Variants in FSIP1 observed in about 807,000 individuals in gnomAD.
The protein encoded by FSIP1 is fibrous sheath-interacting protein 1.
Under a neutral mutation model 60.9 loss-of-function variants are expected in FSIP1, and 65 were observed. That is an observed-to-expected ratio of 1.07 (90% confidence interval 0.87 to 1.31). The LOEUF (loss-of-function observed/expected upper bound fraction) is 1.31. FSIP1 is among the 40% of genes most tolerant of loss of function. The probability of loss-of-function intolerance (pLI) is 0.00; values close to 1 mark genes in which losing one functional copy is unlikely to be tolerated. For synonymous variants in FSIP1, 209 were observed against 221.2 expected (o/e 0.94, Z 0.49); for missense variants, 675 against 665.5 (o/e 1.01, Z -0.16).
intron 9 of FSIP1, among the ~76,000 whole-genome samples, chr15:39,717,314 C>CA (rs964957344): frequency 2.0e-5 from 3 of 152,148 alleles, no homozygotes; most frequent in African/African-American, 7.2e-5. Flanking sequence ...CTGGGACAAT[C>CA]AGAGTGTTTC....
chr15:39,650,497 C>T (rs1385770460), intron 10 of FSIP1, among the ~76,000 whole-genome samples: 1 of 152,176 alleles, frequency 6.6e-6, no homozygotes, highest in Non-Finnish European at 1.5e-5. Flanking sequence ...AAAATACTGT[C>T]TCAACCCTTG....
intron 10 of FSIP1, among the ~76,000 whole-genome samples, chr15:39,655,533 T>C (rs1282218725): frequency 6.6e-6 from 1 of 152,164 alleles, no homozygotes; most frequent in East Asian, 1.9e-4. Flanking sequence ...CAGCAAACAT[T>C]TATTGAATGC....
chr15:39,678,827 A>G (rs16969552), intron 10 of FSIP1, among the ~76,000 whole-genome samples: 4,914 of 152,310 alleles, frequency 0.032, 257 homozygotes, highest in African/African-American at 0.11. Context: ...TGTATAGTCC[A>G]TACAAACCAA....
At chr15:39,634,779 C>T (rs909706864) in intron 10 of FSIP1, among the ~76,000 whole-genome samples, 10 of 152,164 alleles carry the variant, frequency 6.6e-5, no homozygotes, top group African/African-American at 4.8e-5. Context: ...GTCATGCGGA[C>T]GCCATGTCTC....
chr15:39,656,367 AG>A (rs1378625239), intron 10 of FSIP1, among the ~76,000 whole-genome samples: 3 of 152,238 alleles, frequency 2.0e-5, no homozygotes, highest in East Asian at 3.8e-4. Flanking sequence ...CGCCAATGAA[AG>A]TAAAACCAAA....
At chr15:39,745,813 C>T (rs1016309207) in intron 5 of FSIP1, among the ~76,000 whole-genome samples, 3 of 152,066 alleles carry the variant, frequency 2.0e-5, no homozygotes, top group Non-Finnish European at 4.4e-5. Context: ...CAGAGCCTGG[C>T]GTGGCTCACA....
chr15:39,734,225 T>A (rs1896524906), intron 8 of FSIP1, among the ~76,000 whole-genome samples: 1 of 152,018 alleles, frequency 6.6e-6, no homozygotes, highest in African/African-American at 2.4e-5. Flanking sequence ...GAGGAAAAAA[T>A]AAATATTTGA....
intron 10 of FSIP1, among the ~76,000 whole-genome samples, chr15:39,710,872 T>A (rs1242354116): frequency 6.6e-6 from 1 of 152,260 alleles, no homozygotes; most frequent in Non-Finnish European, 1.5e-5. Context: ...GGACAGTGCC[T>A]GGCTCATAGT....
chr15:39,603,887 T>A (rs1890730267), intron 11 of FSIP1, among the ~76,000 whole-genome samples: 1 of 152,210 alleles, frequency 6.6e-6, no homozygotes, highest in Non-Finnish European at 1.5e-5. Flanking sequence ...ACAAATCACC[T>A]GCGGGGTATC....
At chr15:39,639,033 A>G (rs78510493) in intron 10 of FSIP1, among the ~76,000 whole-genome samples, 5,397 of 152,328 alleles carry the variant, frequency 0.035, 193 homozygotes, top group East Asian at 0.11. Context: ...ATGATATCGG[A>G]GATATATCAT....
intron 5 of FSIP1, among the ~76,000 whole-genome samples, 197 bp downstream of exon 5, chr15:39,763,624 A>G (rs1353070821): frequency 6.6e-6 from 1 of 152,196 alleles, no homozygotes; most frequent in Non-Finnish European, 1.5e-5. Context: ...GCAGACACAA[A>G]CACTTAAAGA....
At chr15:39,739,060 T>C (rs1458880388) in intron 7 of FSIP1, among the ~76,000 whole-genome samples, 3 of 152,260 alleles carry the variant, frequency 2.0e-5, no homozygotes, top group African/African-American at 7.2e-5. Flanking sequence ...ATTCACATTC[T>C]GGTCTAACCC....
At chr15:39,725,523 G>T (rs1208116213) in intron 9 of FSIP1, among the ~76,000 whole-genome samples, 1 of 152,170 alleles carries the variant, frequency 6.6e-6, no homozygotes, top group East Asian at 1.9e-4. Context: ...TAGAGAAAGT[G>T]CTTACTATGA....
rs572428268 is a variant in FSIP1 at position 39,669,140 on chromosome 15, GC to G, written c.1188+44303del. Among the ~76,000 whole-genome samples the G allele has an allele frequency of 2.0e-5, 3 of 152,246 alleles. No individual in the cohort carries two copies. The South Asian group carries it at 6.2e-4, about 32-fold the overall frequency. On this transcript the variant is annotated intron_variant, in intron 10 of 11. Transcript: ENST00000350221. ...TCAGGAGGCAGCAACCTTAGGGCCAGCCTCAGCTGCAGAGTGCTGCTTGCCT... is the reference window on the plus strand; with the variant it reads ...TCAGGAGGCAGCAACCTTAGGGCCAGCTCAGCTGCAGAGTGCTGCTTGCCT...
intron 1 of FSIP1, among the ~76,000 whole-genome samples, chr15:39,781,244 A>G (rs1051647103): frequency 3.3e-5 from 5 of 152,238 alleles, no homozygotes; most frequent in Non-Finnish European, 5.9e-5. Flanking sequence ...TCAAAAAAAT[A>G]AAATAAAAAT....
rs761669027 is a variant in FSIP1 at position 39,726,610 on chromosome 15, T to C, written c.1029A>G (p.Arg343=). ...ATACCTGATTATTCCGATTTTCAAG[T>C]CTTGGAGAAAAACTGGAAATTGTAG... is the stretch of plus-strand genomic sequence containing the variant. The part of the protein sequence containing the change: ...ASPTISSFSP[R]LENRNNQKPD... Residue 343 remains arginine (R), a synonymous_variant, in exon 9 of 12, where the codon AGA becomes AGG. Coordinates refer to ENST00000350221, the MANE Select transcript of FSIP1 (RefSeq NM_152597.5). 2 of 1,614,056 alleles carry C rather than the reference T, an allele frequency of 1.2e-6. No homozygotes were observed. The highest frequency in any genetic ancestry group is 1.7e-6 in the Non-Finnish European group (2 of 1,179,982).
chr15:39,605,878 T>TA (rs1309403673), intron 11 of FSIP1, among the ~76,000 whole-genome samples: 2 of 152,220 alleles, frequency 1.3e-5, no homozygotes, highest in African/African-American at 4.8e-5. Flanking sequence ...TCTTATATGA[T>TA]AGACAAGGAA....
intron 1 of FSIP1, 131 bp from the exon 2 acceptor site, chr15:39,776,662 G>T: frequency 1.3e-6 from 1 of 776,656 alleles, no homozygotes; most frequent in South Asian, 1.9e-5. Context: ...CACACTTAAG[G>T]GTTCCCCAGC....
intron 10 of FSIP1, among the ~76,000 whole-genome samples, chr15:39,632,066 C>A (rs1156699043): frequency 6.6e-6 from 1 of 152,146 alleles, no homozygotes; most frequent in African/African-American, 2.4e-5. Flanking sequence ...CTGACGAGTA[C>A]AATAGATGTT....
Sources: allele counts gnomAD v4.1 joint callset (sites outside exome capture counted in the v4.1 genomes callset), GRCh38; gene constraint gnomAD v4.1.1; transcripts MANE v1.5; gene names NCBI Gene and HGNC (gene_info 2026-07-23, HGNC 2026-07-21).